IMMP2L: variants seen among roughly 807,000 people sequenced by gnomAD.
IMMP2L encodes the protein mitochondrial inner membrane protease subunit 2.
In IMMP2L, 18 loss-of-function variants were observed where a neutral mutation model predicts 19.3. The ratio of observed to expected loss-of-function variants is 0.93; its 90% CI spans 0.64 to 1.38. IMMP2L has a LOEUF of 1.38. IMMP2L is among the 40% of genes most tolerant of loss of function. The pLI is 0.00. For missense variants in IMMP2L, 233 were observed against 218.2 expected (o/e 1.07, Z -0.43); for synonymous variants, 76 against 73.0 (o/e 1.04, Z -0.21).
intron 3 of IMMP2L, among the ~76,000 whole-genome samples, chr7:111,026,787 A>G (rs1826873970): frequency 6.6e-6 from 1 of 152,124 alleles, no homozygotes; most frequent in African/African-American, 2.4e-5. Context: ...TTCTTTTGGC[A>G]TGCTGTTAGT....
chr7:111,338,843 T>G (rs985691964), intron 3 of IMMP2L, among the ~76,000 whole-genome samples: 2 of 152,122 alleles, frequency 1.3e-5, no homozygotes, highest in Non-Finnish European at 2.9e-5. Context: ...ATTGCATGCA[T>G]GTGCACATGC....
intron 3 of IMMP2L, among the ~76,000 whole-genome samples, chr7:111,486,113 T>C (rs1842634291): frequency 6.6e-6 from 1 of 152,184 alleles, no homozygotes; most frequent in Non-Finnish European, 1.5e-5. Context: ...AGGTTAATAT[T>C]TTTAAAAGCA....
intron 3 of IMMP2L, among the ~76,000 whole-genome samples, chr7:111,159,867 T>G (rs1011289299): frequency 6.6e-6 from 1 of 152,154 alleles, no homozygotes; most frequent in Non-Finnish European, 1.5e-5. Context: ...TGGGGTATCT[T>G]ACATTCTTTT....
chr7:111,042,680 A>G (rs2129571201), intron 3 of IMMP2L, among the ~76,000 whole-genome samples: 1 of 152,318 alleles, frequency 6.6e-6, no homozygotes, highest in African/African-American at 2.4e-5. Context: ...AGTTCTGCCT[A>G]AGAGCTTAGT....
At chr7:110,665,664 T>C (rs1211663218) in intron 5 of IMMP2L, among the ~76,000 whole-genome samples, 2 of 152,302 alleles carry the variant, frequency 1.3e-5, no homozygotes, top group Non-Finnish European at 2.9e-5. Flanking sequence ...TGATTTTTTT[T>C]CCCTCATGAC....
intron 4 of IMMP2L, among the ~76,000 whole-genome samples, chr7:110,953,619 C>T (rs929938315): frequency 6.6e-6 from 1 of 152,048 alleles, no homozygotes; most frequent in Non-Finnish European, 1.5e-5. Flanking sequence ...AATAGTGCCA[C>T]AATAAACATA....
intron 3 of IMMP2L, among the ~76,000 whole-genome samples, chr7:111,003,187 G>A (rs1194448518): frequency 6.6e-6 from 1 of 152,024 alleles, no homozygotes; most frequent in East Asian, 1.9e-4. Context: ...CTCTAAAACT[G>A]TTATTACTAA....
intron 5 of IMMP2L, among the ~76,000 whole-genome samples, chr7:110,816,110 T>C (rs1802486697): frequency 6.6e-6 from 1 of 152,164 alleles, no homozygotes; most frequent in African/African-American, 2.4e-5. Flanking sequence ...TTTAGTGCTA[T>C]AAATTTTCCT....
chr7:111,351,568 T>C (rs921751724), intron 3 of IMMP2L, among the ~76,000 whole-genome samples: 6 of 152,132 alleles, frequency 3.9e-5, no homozygotes, highest in African/African-American at 1.4e-4. Flanking sequence ...ATCACCAACA[T>C]CATTTTATCA....
At chr7:110,734,191 G>C (rs1192058734) in intron 5 of IMMP2L, among the ~76,000 whole-genome samples, 1 of 152,212 alleles carries the variant, frequency 6.6e-6, no homozygotes, top group Non-Finnish European at 1.5e-5. Flanking sequence ...GAAGAAGAGA[G>C]CTGTAAACAG....
chr7:111,529,296 T>C (rs1194110444), intron 1 of IMMP2L, among the ~76,000 whole-genome samples: 1 of 152,186 alleles, frequency 6.6e-6, no homozygotes, highest in Non-Finnish European at 1.5e-5. Flanking sequence ...TGGATACATG[T>C]GGTCTAATAC....
At chr7:111,190,773 G>A (rs1490201100) in intron 3 of IMMP2L, among the ~76,000 whole-genome samples, 1 of 152,122 alleles carries the variant, frequency 6.6e-6, no homozygotes, top group African/African-American at 2.4e-5. Context: ...CAATATGTAT[G>A]TACGAAGGTA....
chr7:111,438,834 C>T (rs957191664), intron 3 of IMMP2L, among the ~76,000 whole-genome samples: 2 of 151,836 alleles, frequency 1.3e-5, no homozygotes, highest in Non-Finnish European at 2.9e-5. Context: ...GAAATTACAA[C>T]TTCCAATCTC....
At chr7:111,453,515 T>C (rs1050792182) in intron 3 of IMMP2L, among the ~76,000 whole-genome samples, 1 of 152,194 alleles carries the variant, frequency 6.6e-6, no homozygotes, top group Non-Finnish European at 1.5e-5. Context: ...AATTGGAGCA[T>C]TGTTTCATAT....
chr7:111,304,080 T>G (rs1341795668), intron 3 of IMMP2L, among the ~76,000 whole-genome samples: 1 of 152,126 alleles, frequency 6.6e-6, no homozygotes, highest in Non-Finnish European at 1.5e-5. Context: ...TAAAATGAAT[T>G]GAAGAAACTA....
At chr7:111,433,884 G>T (rs909593487) in intron 3 of IMMP2L, among the ~76,000 whole-genome samples, 1 of 151,736 alleles carries the variant, frequency 6.6e-6, no homozygotes, top group Non-Finnish European at 1.5e-5. Flanking sequence ...GCAATCTACA[G>T]GTTCAACACA....
intron 3 of IMMP2L, among the ~76,000 whole-genome samples, chr7:111,191,096 G>C (rs138454634): frequency 1.3e-5 from 2 of 152,076 alleles, no homozygotes; most frequent in Admixed American, 6.6e-5. Context: ...CATACTGCCT[G>C]ACTCACAACT....
chr7:111,474,282 T>C (rs1841527902), intron 3 of IMMP2L, among the ~76,000 whole-genome samples: 1 of 152,078 alleles, frequency 6.6e-6, no homozygotes, highest in Non-Finnish European at 1.5e-5. Context: ...TCACACAATA[T>C]ACCCAAGTAA....
At chr7:111,055,890 A>G (rs1793467128) in intron 3 of IMMP2L, among the ~76,000 whole-genome samples, 1 of 152,208 alleles carries the variant, frequency 6.6e-6, no homozygotes, top group Non-Finnish European at 1.5e-5. Context: ...CACCATGCCA[A>G]TACCAGAAAT....
Sources: gnomAD v4.1 joint callset for allele counts (sites outside exome capture counted in the v4.1 genomes callset) on GRCh38, gnomAD v4.1.1 for gene constraint, MANE v1.5 for transcripts, NCBI Gene and HGNC (gene_info 2026-07-23, HGNC 2026-07-21) for gene names.